The following FRMD4B variants were observed in gnomAD, a reference collection of about 807,000 sequenced individuals.
FRMD4B encodes the protein FERM domain-containing protein 4B.
Under a neutral mutation model 141.5 loss-of-function variants are expected in FRMD4B, and 74 were observed. That is an observed-to-expected ratio of 0.52 (90% CI 0.43 to 0.63). The LOEUF is 0.63. FRMD4B is among the 30% of genes least tolerant of loss of function. The pLI is 0.00. For synonymous variants in FRMD4B, 506 were observed against 467.9 expected (o/e 1.08, Z -1.05); for missense variants, 1,366 against 1,253.4 (o/e 1.09, Z -1.36).
At chr3:69,329,372 CAG>C (rs1363692765) in intron 1 of FRMD4B, among the ~76,000 whole-genome samples, 6 of 152,036 alleles carry the variant, frequency 3.9e-5, no homozygotes, top group Non-Finnish European at 8.8e-5. Flanking sequence ...TGTTTTGAGA[CAG>C]AGTCTCATTC....
chr3:69,249,276 G>T, intron 6 of FRMD4B, 28 bp from the exon 7 acceptor site: 1 of 1,486,276 alleles, frequency 6.7e-7, no homozygotes, highest in South Asian at 1.2e-5. Context: ...AAACAGAGTT[G>T]ATCAATATGT....
In FRMD4B at chr3:69,440,621, G is replaced by A. The variant is rs911297078; in HGVS notation, c.-128-7860C>T. 3.3e-5 allele frequency among the ~76,000 whole-genome samples: 5 copies of A among 152,090 alleles called. No homozygotes were observed. The South Asian group carries it at 6.2e-4, about 19-fold the overall frequency. On this transcript the variant is annotated intron_variant, in intron 1 of 5. Coordinates refer to the FRMD4B transcript ENST00000459638. ...GGAGCTTGAGATCAGCCTGGCCAAC[G>A]TGGGGAAAACCCATCTCTACTAAAA...
chr3:69,536,505 A>G (rs140760086), intron 1 of FRMD4B: 1 of 695,260 alleles, frequency 1.4e-6, no homozygotes, highest in African/African-American at 1.8e-5. Flanking sequence ...GCTACTCCCC[A>G]GCCTGCAGCG....
chr3:69,267,622 TATATATATATATATAGAGAGAGAG>T (rs2093571544), intron 5 of FRMD4B, among the ~76,000 whole-genome samples: 299 of 24,182 alleles, frequency 0.012, 1 homozygote, highest in African/African-American at 0.025. Context: ...TATATATATA[TATATATATATATATAGAGAGAGAG>T]AGAGAGAGAG....
chr3:69,501,993 C>G (rs189114620), intron 1 of FRMD4B, among the ~76,000 whole-genome samples: 2 of 152,274 alleles, frequency 1.3e-5, no homozygotes, highest in African/African-American at 4.8e-5. Flanking sequence ...AGGACCTCTT[C>G]AGGGAGAACT....
chr3:69,277,215 C>G (rs891509248), intron 5 of FRMD4B, among the ~76,000 whole-genome samples: 10 of 151,996 alleles, frequency 6.6e-5, no homozygotes, highest in African/African-American at 2.4e-4. Context: ...GAAAAGGGAG[C>G]CCCATGAAGC....
At chr3:69,408,085 C>T (rs1432277262) in intron 2 of FRMD4B, among the ~76,000 whole-genome samples, 1 of 152,168 alleles carries the variant, frequency 6.6e-6, no homozygotes, top group African/African-American at 2.4e-5. Flanking sequence ...TCAAATGGCA[C>T]AGCTGCGTGC....
chr3:69,523,389 G>A (rs1700882689), intron 1 of FRMD4B, among the ~76,000 whole-genome samples: 1 of 152,194 alleles, frequency 6.6e-6, no homozygotes, highest in South Asian at 2.1e-4. Context: ...GGGAAGGCTG[G>A]TGGTAGGGGA....
chr3:69,373,573 T>A (rs1009471037), intron 1 of FRMD4B, among the ~76,000 whole-genome samples: 1 of 152,176 alleles, frequency 6.6e-6, no homozygotes, highest in African/African-American at 2.4e-5. Flanking sequence ...GAGAAATGTT[T>A]ATTAAATAAA....
At chr3:69,431,612 C>A (rs1559525983) in intron 2 of FRMD4B, among the ~76,000 whole-genome samples, 1 of 152,320 alleles carries the variant, frequency 6.6e-6, no homozygotes, top group East Asian at 1.9e-4. Context: ...CTGAGCAACT[C>A]TATAAGGTAG....
At chr3:69,456,646 A>G (rs1705619971) in intron 1 of FRMD4B, among the ~76,000 whole-genome samples, 1 of 151,746 alleles carries the variant, frequency 6.6e-6, no homozygotes, top group Non-Finnish European at 1.5e-5. Context: ...CATTGTATAC[A>G]CCACTGTCTA....
chr3:69,414,451 T>C lies in FRMD4B; in HGVS notation c.-1+18183A>G, dbSNP rs948384411. ...CATCATGTAAGAGATGGTTCTTCTT[T>C]TCAGCGAAGGAAAATAATGCTTCTT... On this transcript the variant is annotated intron_variant, in intron 2 of 5. Coordinates refer to the FRMD4B transcript ENST00000459638. Among the ~76,000 whole-genome samples, 3 of 152,252 alleles carry C rather than the reference T, an allele frequency of 2.0e-5. 1 individual carries two copies. The highest frequency in any genetic ancestry group is 2.0e-4 in the Admixed American group (3 of 15,288).
chr3:69,536,672 GGT>G, intron 1 of FRMD4B: 1 of 803,546 alleles, frequency 1.2e-6, no homozygotes, highest in Non-Finnish European at 2.2e-6. Flanking sequence ...AGATGTCACT[GGT>G]GACACTCCCA....
Position 69,195,104 on chromosome 3 carries a change from T to A in FRMD4B, c.1406A>T (p.Asn469Ile). 6.2e-7 allele frequency: 1 copy of A among 1,613,926 alleles called. No individual in the cohort carries two copies. The highest frequency in any genetic ancestry group is 1.1e-5 in the South Asian group (1 of 91,080). Reference sequence around the variant, plus strand: ...GACCTGAGGAGGCTTCTCGCCTATGTTCAGGGGATACTCCTTTGGCATTTT... The same window carrying A: ...GACCTGAGGAGGCTTCTCGCCTATGATCAGGGGATACTCCTTTGGCATTTT... ...TGKMPKEYPL[N>I]IGEKPPQVRR... Residue 469 changes from asparagine to isoleucine, a missense_variant, in exon 16 of 23, where the codon AAC (asparagine) becomes ATC (isoleucine). Asn to Ile is a moderately radical substitution (Grantham distance 149). Transcript: ENST00000398540.
chr3:69,187,303 T>C (rs12172931), intron 19 of FRMD4B, among the ~76,000 whole-genome samples: 5,954 of 151,922 alleles, frequency 0.039, 299 homozygotes, highest in African/African-American at 0.11. Context: ...CCCAGCACTT[T>C]GGGAGGCCGA....
intron 7 of FRMD4B, among the ~76,000 whole-genome samples, chr3:69,237,592 C>A (rs1047653278): frequency 6.6e-6 from 1 of 151,940 alleles, no homozygotes; most frequent in Admixed American, 6.6e-5. Flanking sequence ...GCATGCATTT[C>A]TAGGCTTCAT....
intron 2 of FRMD4B, among the ~76,000 whole-genome samples, chr3:69,407,720 T>G (rs957379550): frequency 6.6e-6 from 1 of 152,216 alleles, no homozygotes; most frequent in Admixed American, 6.5e-5. Flanking sequence ...TCGAGAAGGA[T>G]TCTAAGGCCC....
chr3:69,375,246 T>TC (rs1351658581), intron 1 of FRMD4B, among the ~76,000 whole-genome samples: 2 of 58,940 alleles, frequency 3.4e-5, no homozygotes, highest in African/African-American at 1.1e-4. Context: ...CCCCATCCCA[T>TC]CCATCCATCC....
At chr3:69,173,553 A>G (rs1330138344) in intron 22 of FRMD4B, among the ~76,000 whole-genome samples, 1 of 152,216 alleles carries the variant, frequency 6.6e-6, no homozygotes, top group African/African-American at 2.4e-5. Context: ...AACAATTTAC[A>G]GAATTTTAGA....
Sources: gnomAD v4.1 joint callset for allele counts (sites outside exome capture counted in the v4.1 genomes callset) on GRCh38, gnomAD v4.1.1 for gene constraint, MANE v1.5 for transcripts, NCBI Gene and HGNC (gene_info 2026-07-23, HGNC 2026-07-21) for gene names.